The following GRIK2 variants were observed in gnomAD, a reference collection of about 807,000 sequenced individuals.
GRIK2 encodes glutamate ionotropic receptor kainate type subunit 2.
In GRIK2, 32 loss-of-function variants were observed where a neutral mutation model predicts 100.3. The ratio of observed to expected loss-of-function variants is 0.32; its 90% CI spans 0.24 to 0.43. The LOEUF (loss-of-function observed/expected upper bound fraction) is 0.43. Among genes scored for constraint, GRIK2 ranks in the 20% least tolerant of loss-of-function variants. The probability of loss-of-function intolerance (pLI) is 1.00; values close to 1 mark genes in which losing one functional copy is unlikely to be tolerated. For missense variants in GRIK2, 843 were observed against 1,114.9 expected, an observed-to-expected ratio of 0.76 and a Z score of 3.47; for synonymous variants, 417 against 389.4, an observed-to-expected ratio of 1.07 and a Z score of -0.83.
intron 10 of GRIK2, among the ~76,000 whole-genome samples, chr6:101,829,465 A>G (rs887365502): frequency 6.6e-6 from 1 of 151,862 alleles, no homozygotes; most frequent in Non-Finnish European, 1.5e-5. Context: ...ATTTCTCTTC[A>G]CTGAATTTAT....
intron 3 of GRIK2, among the ~76,000 whole-genome samples, chr6:101,622,806 A>G (rs988683836): frequency 1.3e-5 from 2 of 151,984 alleles, no homozygotes; most frequent in Admixed American, 1.3e-4. Flanking sequence ...TAAAAATTTA[A>G]TATTTATATA....
chr6:101,987,006 G>C (rs1398090225), intron 14 of GRIK2, among the ~76,000 whole-genome samples: 1 of 151,654 alleles, frequency 6.6e-6, no homozygotes, highest in East Asian at 1.9e-4. Context: ...AGCTGAGTCT[G>C]GTGGCACGCA....
At chr6:101,718,412 C>CA (rs1171932915) in intron 7 of GRIK2, among the ~76,000 whole-genome samples, 1 of 151,872 alleles carries the variant, frequency 6.6e-6, no homozygotes, top group Admixed American at 6.6e-5. Flanking sequence ...GAGAAAAGGT[C>CA]AGACATTCAG....
At chr6:101,648,801 TGA>T (rs1483267939) in intron 4 of GRIK2, among the ~76,000 whole-genome samples, 1 of 152,064 alleles carries the variant, frequency 6.6e-6, no homozygotes, top group East Asian at 1.9e-4. Context: ...AAAAGATACC[TGA>T]GATTGGGTAA....
chr6:101,992,405 C>A (rs1268457984), intron 14 of GRIK2, among the ~76,000 whole-genome samples: 1 of 151,522 alleles, frequency 6.6e-6, no homozygotes, highest in Non-Finnish European at 1.5e-5. Flanking sequence ...TCACCATAAG[C>A]CTCTTGGCAG....
chr6:101,808,606 A>G (rs1781143829), intron 9 of GRIK2, among the ~76,000 whole-genome samples: 1 of 151,944 alleles, frequency 6.6e-6, no homozygotes, highest in Non-Finnish European at 1.5e-5. Context: ...TCTAGCATCA[A>G]ATTTTGCCAA....
intron 14 of GRIK2, among the ~76,000 whole-genome samples, chr6:101,960,422 A>C (rs1003832415): frequency 6.6e-6 from 1 of 152,036 alleles, no homozygotes; most frequent in East Asian, 1.9e-4. Flanking sequence ...ATGGTGCCAT[A>C]GTTTTTATGT....
At chr6:101,607,039 T>C (rs1779465826) in intron 2 of GRIK2, among the ~76,000 whole-genome samples, 1 of 151,988 alleles carries the variant, frequency 6.6e-6, no homozygotes, top group Non-Finnish European at 1.5e-5. Flanking sequence ...TAAATAAATA[T>C]GCATGACATC....
At chr6:101,641,325 T>TTG (rs1562279407) in intron 4 of GRIK2, among the ~76,000 whole-genome samples, 2 of 152,082 alleles carry the variant, frequency 1.3e-5, no homozygotes, top group Non-Finnish European at 1.5e-5. Context: ...ACTCTCACAA[T>TTG]GAACTTTTTA....
intron 2 of GRIK2, chr6:101,430,294 A>G (rs1769304478): frequency 6.5e-6 from 1 of 153,626 alleles, no homozygotes; most frequent in Non-Finnish European, 1.5e-5. Context: ...TGGTAATCAG[A>G]TACAAGCTTC....
At chr6:102,035,049 G>T (rs944344847) in intron 14 of GRIK2, among the ~76,000 whole-genome samples, 7 of 151,182 alleles carry the variant, frequency 4.6e-5, no homozygotes, top group Non-Finnish European at 8.9e-5. Context: ...TCTGTTGTAT[G>T]TATAGCTTTC....
At chr6:101,889,207 T>G (rs1786869625) in intron 11 of GRIK2, among the ~76,000 whole-genome samples, 1 of 152,102 alleles carries the variant, frequency 6.6e-6, no homozygotes, top group Non-Finnish European at 1.5e-5. Context: ...AATTCTCAGC[T>G]ATATAATTTG....
intron 12 of GRIK2, among the ~76,000 whole-genome samples, chr6:101,894,911 T>C (rs549838444): frequency 1.3e-5 from 2 of 151,852 alleles, no homozygotes; most frequent in Admixed American, 1.3e-4. Flanking sequence ...AAGAAAGGAA[T>C]AATGGTACAC....
At chr6:101,805,986 T>C (rs1037969437) in intron 9 of GRIK2, among the ~76,000 whole-genome samples, 12 of 151,976 alleles carry the variant, frequency 7.9e-5, no homozygotes, top group African/African-American at 2.9e-4. Context: ...ATAGATCAAA[T>C]GAATTCTTTC....
chr6:101,626,540 T>C lies in GRIK2; in HGVS notation c.444T>C (p.Ser148=), dbSNP rs777877779. The C allele has an allele frequency of 6.2e-7, 1 of 1,613,888 alleles. No individual in the cohort carries two copies. The highest frequency in any genetic ancestry group is 1.3e-5 in the African/African-American group (1 of 75,042). ...ACAACAAAGATTCCTTCTATGTCAG[T>C]CTCTACCCAGACTTCTCTTCACTCA... ...VSDNKDSFYV[S]LYPDFSSLSR... is the part of the protein sequence containing the mutation. The change falls in exon 4 of 17, where the codon AGT becomes AGC. Residue 148 remains serine, a synonymous_variant. Transcript: ENST00000369134.
At chr6:101,621,657 GA>G (rs1302603392) in intron 2 of GRIK2, among the ~76,000 whole-genome samples, 5 of 151,736 alleles carry the variant, frequency 3.3e-5, no homozygotes, top group Admixed American at 1.3e-4. Flanking sequence ...AATAACTAAA[GA>G]AAAAAAGTCC....
At chr6:102,060,331 G>T (rs1771684464) in intron 16 of GRIK2, among the ~76,000 whole-genome samples, 1 of 150,812 alleles carries the variant, frequency 6.6e-6, no homozygotes, top group Admixed American at 6.6e-5. Flanking sequence ...AATCAGAGTA[G>T]TAGAAGCACA....
chr6:101,427,330 T>C (rs1261165890), intron 2 of GRIK2, among the ~76,000 whole-genome samples: 1 of 152,222 alleles, frequency 6.6e-6, no homozygotes, highest in Non-Finnish European at 1.5e-5. Flanking sequence ...ATTGCTCTGC[T>C]TTTCTGAAAT....
At chr6:101,453,581 G>A (rs971992694) in intron 2 of GRIK2, among the ~76,000 whole-genome samples, 4 of 151,862 alleles carry the variant, frequency 2.6e-5, no homozygotes, top group South Asian at 2.1e-4. Flanking sequence ...AATTGATAGC[G>A]CTAACCTAGT....
Sources: allele counts gnomAD v4.1 joint callset (sites outside exome capture counted in the v4.1 genomes callset), GRCh38; gene constraint gnomAD v4.1.1; transcripts MANE v1.5; gene names NCBI Gene and HGNC (gene_info 2026-07-23, HGNC 2026-07-21).